SOS1: variants seen among roughly 807,000 people sequenced by gnomAD.
SOS1 encodes the protein son of sevenless homolog 1.
In SOS1, 25 loss-of-function variants were observed where a neutral mutation model predicts 157.6. The observed-to-expected ratio is 0.16, with a 90% CI of 0.12 to 0.22. The LOEUF (loss-of-function observed/expected upper bound fraction) is 0.22, where lower values mean the gene tolerates loss of function less well. Among genes scored for constraint, SOS1 ranks in the 10% least tolerant of loss-of-function variants. The probability of loss-of-function intolerance (pLI) is 1.00; values close to 1 mark genes in which losing one functional copy is unlikely to be tolerated. For missense variants in SOS1, 1,237 were observed against 1,599.1 expected, an observed-to-expected ratio of 0.77 and a Z score of 3.86; for synonymous variants, 528 against 534.0, an observed-to-expected ratio of 0.99 and a Z score of 0.16.
chr2:39,083,070 T>C lies in SOS1; in HGVS notation c.88-15317A>G, dbSNP rs564182689. Among the ~76,000 whole-genome samples the C allele has an allele frequency of 7.9e-5, 12 of 152,300 alleles. No individual in the cohort carries two copies. In the South Asian group the frequency reaches 1.0e-3, roughly 13 times the overall value. ...TAAAATTGGTTTTTGTTTATATAAATAGGCAGTTCTAGCTGCTGGACTTGC... is the reference window on the plus strand; with the variant it reads ...TAAAATTGGTTTTTGTTTATATAAACAGGCAGTTCTAGCTGCTGGACTTGC... On this transcript the variant is annotated intron_variant, in intron 1 of 22. Transcript: ENST00000402219.
chr2:39,102,237 C>G (rs1450423743), intron 1 of SOS1, among the ~76,000 whole-genome samples: 1 of 47,960 alleles, frequency 2.1e-5, no homozygotes, highest in East Asian at 6.0e-4. Context: ...AAAAGTGCCA[C>G]TTTGTCCCGG....
chr2:39,121,127 GAGAA>G (rs1366726844), upstream of SOS1: 5 of 153,684 alleles, frequency 3.3e-5, no homozygotes, highest in Admixed American at 2.0e-4. Context: ...AAGCTCGAGA[GAGAA>G]AGAGAGAGAG....
At chr2:39,018,570 A>T (rs1474575697) in intron 10 of SOS1, among the ~76,000 whole-genome samples, 1 of 151,820 alleles carries the variant, frequency 6.6e-6, no homozygotes, top group African/African-American at 2.4e-5. Flanking sequence ...AAATTTTAGG[A>T]ACTCAGAGTA....
Position 39,012,223 on chromosome 2 carries a change from T to A in SOS1, c.2293A>T (p.Ile765Leu). The change falls in exon 14 of 23, where the codon ATA becomes TTA. Residue 765 changes from isoleucine (I) to leucine (L), a missense_variant. Physicochemically the swap from Ile to Leu is conservative, Grantham distance 5. Transcript: ENST00000402219. ...QSSPPTVEWH[I>L]SRPGHIETFD... Reference sequence around the variant, plus strand: ...GTCTCTATGTGCCCAGGTCTGCTTATATGCCACTCAACTGTGGGAGGTGAA... The same window carrying A: ...GTCTCTATGTGCCCAGGTCTGCTTAAATGCCACTCAACTGTGGGAGGTGAA... The A allele has an allele frequency of 6.2e-7, 1 of 1,613,672 alleles. No homozygotes were observed. Among genetic ancestry groups the A allele is most frequent in the Non-Finnish European group, 8.5e-7 (1 of 1,179,656 alleles).
At position 38,985,588 on chromosome 2, in the gene SOS1, G is replaced by C. The variant is rs1206302259; in HGVS notation, c.*236C>G. 1 of 501,172 alleles carries C rather than the reference G, an allele frequency of 2.0e-6. No individual in the cohort carries two copies. The highest frequency in any genetic ancestry group is 3.6e-6 in the Non-Finnish European group (1 of 277,374). The allele number at this position is 501,172 out of a possible 1,614,324, so 31.0% of individuals were successfully genotyped here. On this transcript the variant is annotated 3_prime_UTR_variant, in exon 23 of 23. Transcript: ENST00000402219. ...AGAAAAAGTCCCTTTATGATTTTCAGGTGCAATCAGTTGTCCAATTCCTCT... is the reference window on the plus strand; with the variant it reads ...AGAAAAAGTCCCTTTATGATTTTCACGTGCAATCAGTTGTCCAATTCCTCT...
chr2:39,029,201 C>T (rs1213332335), intron 8 of SOS1, among the ~76,000 whole-genome samples: 1 of 152,176 alleles, frequency 6.6e-6, no homozygotes, highest in Non-Finnish European at 1.5e-5. Context: ...AAACATTAAA[C>T]AGGCAATCAA....
At chr2:39,108,974 G>A (rs887128632) in intron 1 of SOS1, among the ~76,000 whole-genome samples, 3 of 152,216 alleles carry the variant, frequency 2.0e-5, no homozygotes, top group African/African-American at 7.2e-5. Context: ...TGACGCAGGT[G>A]AACTGCTTGA....
intron 1 of SOS1, among the ~76,000 whole-genome samples, chr2:39,072,398 G>A (rs567490156): frequency 1.6e-4 from 24 of 152,300 alleles, no homozygotes; most frequent in African/African-American, 5.8e-4. Flanking sequence ...AATTGAAAAG[G>A]TGTGATGGTA....
At chr2:39,116,977 C>T (rs1043361233) in intron 1 of SOS1, among the ~76,000 whole-genome samples, 2 of 152,008 alleles carry the variant, frequency 1.3e-5, no homozygotes, top group Admixed American at 1.3e-4. Flanking sequence ...CAGACATGCC[C>T]TGCCACTTCC....
Position 38,984,962 on chromosome 2 carries a change from T to C in SOS1, c.*862A>G, listed in dbSNP as rs1449860960. 6.6e-6 allele frequency: 1 copy of C among 152,206 alleles called. No individual in the cohort carries two copies. Among genetic ancestry groups the C allele is most frequent in the Non-Finnish European group, 1.5e-5 (1 of 68,032 alleles). 9.4% of individuals were successfully genotyped at this position (152,206 alleles called of 1,614,324 possible). A position where few individuals can be genotyped will look rare whatever the true frequency, so the allele number is the denominator to read the frequency against. ...AGAGGGATAGCTACGAGCCATGACA[T>C]GGACTACCAGTAAACTTCTGTGGGA... On this transcript the variant is annotated 3_prime_UTR_variant, in exon 23 of 23. Transcript: ENST00000402219.
At chr2:39,049,888 T>C (rs774986570) in intron 6 of SOS1, among the ~76,000 whole-genome samples, 1 of 152,204 alleles carries the variant, frequency 6.6e-6, no homozygotes, top group Non-Finnish European at 1.5e-5. Flanking sequence ...CATCCTGTTA[T>C]AAGGAGGGAC....
chr2:39,071,671 G>T (rs143293411), intron 1 of SOS1, among the ~76,000 whole-genome samples: 1 of 152,170 alleles, frequency 6.6e-6, no homozygotes, highest in South Asian at 2.1e-4. Context: ...AGATGTTTTA[G>T]AAAGTATTCA....
chr2:39,117,996 G>A (rs570325214), intron 1 of SOS1, among the ~76,000 whole-genome samples: 207 of 152,324 alleles, frequency 1.4e-3, no homozygotes, highest in African/African-American at 4.9e-3. Context: ...CCTACCAGAT[G>A]TCAAGCACTA....
Position 39,099,814 on chromosome 2 carries a change from C to T in SOS1, c.87+20522G>A, listed in dbSNP as rs150217550. Reference sequence around the variant, plus strand: ...AGTGAAGTGGCACGATCTCGACTCACTGCAACCTCCACCTCCCCAGTTCAA... The same window carrying T: ...AGTGAAGTGGCACGATCTCGACTCATTGCAACCTCCACCTCCCCAGTTCAA... On this transcript the variant is annotated intron_variant, in intron 1 of 22. Transcript: ENST00000402219. 1.1e-3 allele frequency among the ~76,000 whole-genome samples: 164 copies of T among 152,288 alleles called. 1 individual carries two copies. In the East Asian group the frequency reaches 0.021, roughly 19 times the overall value.
rs372979598 is a variant in SOS1 at position 39,062,738 on chromosome 2, C to A, written c.214-3934G>T. ...GAAATCAGTCCAGTCAAGTAAAGAACAAGTACAATTATGAAAGGACAAGAC... is the reference window on the plus strand; with the variant it reads ...GAAATCAGTCCAGTCAAGTAAAGAAAAAGTACAATTATGAAAGGACAAGAC... On this transcript the variant is annotated intron_variant, in intron 2 of 22. Coordinates refer to ENST00000402219, the MANE Select transcript of SOS1 (RefSeq NM_005633.4). Among the ~76,000 whole-genome samples the A allele has an allele frequency of 1.6e-3, 245 of 151,780 alleles. 2 individuals carry two copies. The highest frequency in any genetic ancestry group is 5.4e-3 in the African/African-American group (223 of 41,438).
At chr2:39,044,933 A>G (rs2124583205) in intron 6 of SOS1, among the ~76,000 whole-genome samples, 1 of 152,228 alleles carries the variant, frequency 6.6e-6, no homozygotes, top group African/African-American at 2.4e-5. Context: ...CCATGCAGAT[A>G]CCAAAATCTA....
At chr2:39,014,724 A>G (rs2124520083) in intron 11 of SOS1, 41 bp downstream of exon 11, 2 of 1,117,236 alleles carry the variant, frequency 1.8e-6, no homozygotes, top group East Asian at 4.9e-5. Context: ...CTCTTTTTTA[A>G]CAAAAAATAA....
At chr2:39,065,883 T>A (rs543456877) in intron 2 of SOS1, among the ~76,000 whole-genome samples, 1 of 152,334 alleles carries the variant, frequency 6.6e-6, no homozygotes, top group East Asian at 1.9e-4. Context: ...TACATTCTAG[T>A]AGGGAAAAAA....
intron 10 of SOS1, among the ~76,000 whole-genome samples, chr2:39,020,029 A>G (rs1669749762): frequency 6.6e-6 from 1 of 151,674 alleles, no homozygotes; most frequent in Non-Finnish European, 1.5e-5. Flanking sequence ...CTATTCATGA[A>G]AACAATCACC....
Sources: allele counts gnomAD v4.1 joint callset (sites outside exome capture counted in the v4.1 genomes callset), GRCh38; gene constraint gnomAD v4.1.1; transcripts MANE v1.5; gene names NCBI Gene and HGNC (gene_info 2026-07-23, HGNC 2026-07-21).